ZNF569: variants seen among roughly 807,000 people sequenced by gnomAD.
ZNF569 encodes the protein zinc finger protein 569.
A neutral mutation model predicts 56.3 loss-of-function variants in ZNF569; 38 were observed. The ratio of observed to expected loss-of-function variants is 0.68; its 90% confidence interval spans 0.52 to 0.88. ZNF569 has a LOEUF of 0.88. Among genes scored for constraint, ZNF569 ranks in the 40% least tolerant of loss-of-function variants. ZNF569 has a pLI of 0.00. For synonymous variants in ZNF569, 241 were observed against 262.9 expected, an observed-to-expected ratio of 0.92 and a Z score of 0.81; for missense variants, 666 against 809.2, an observed-to-expected ratio of 0.82 and a Z score of 2.15.
At chr19:37,449,457 C>T (rs1442500876) in intron 2 of ZNF569, among the ~76,000 whole-genome samples, 2 of 152,192 alleles carry the variant, frequency 1.3e-5, no homozygotes, top group Non-Finnish European at 2.9e-5. Context: ...AAGTCCCCAA[C>T]TATAATTGTG....
intron 2 of ZNF569, among the ~76,000 whole-genome samples, chr19:37,460,743 G>A (rs1600353406): frequency 1.3e-5 from 2 of 151,014 alleles, no homozygotes; most frequent in South Asian, 4.2e-4. Flanking sequence ...TCTAGCCTGG[G>A]CAATACAGTG....
intron 3 of ZNF569, among the ~76,000 whole-genome samples, chr19:37,441,982 A>G (rs996379372): frequency 6.6e-6 from 1 of 152,250 alleles, no homozygotes; most frequent in Non-Finnish European, 1.5e-5. Flanking sequence ...ATAATTGTCA[A>G]GAGAACAATT....
At chr19:37,423,173 CAACCT>C (rs757475972) in intron 5 of ZNF569, among the ~76,000 whole-genome samples, 2 of 152,086 alleles carry the variant, frequency 1.3e-5, no homozygotes, top group South Asian at 2.1e-4. Flanking sequence ...TGGAAAAATA[CAACCT>C]ATTATCAAAA....
intron 2 of ZNF569, among the ~76,000 whole-genome samples, chr19:37,446,567 A>AAAAAG (rs1555839149): frequency 7.1e-5 from 10 of 141,036 alleles, no homozygotes; most frequent in African/African-American, 1.9e-4. Flanking sequence ...AAAAAAAAAA[A>AAAAAG]AAGAATGAAA....
At chr19:37,416,343 G>A (rs1322013333) in intron 5 of ZNF569, among the ~76,000 whole-genome samples, 1 of 149,792 alleles carries the variant, frequency 6.7e-6, no homozygotes, top group Admixed American at 6.6e-5. Flanking sequence ...GAAAAATCAA[G>A]TCATCTGAAC....
chr19:37,466,757 C>T (rs1336245050), intron 1 of ZNF569: 1 of 152,352 alleles, frequency 6.6e-6, no homozygotes, highest in East Asian at 1.9e-4. Context: ...CACAGTTTTT[C>T]ATTCATTCAA....
rs544420961 is a variant in ZNF569 at position 37,426,993 on chromosome 19, A to G, written c.16-615T>C. Among the ~76,000 whole-genome samples the G allele has an allele frequency of 2.0e-5, 3 of 152,354 alleles. No individual in the cohort carries two copies. In the East Asian group the frequency reaches 5.8e-4, roughly 29 times the overall value. On this transcript the variant is annotated intron_variant, in intron 3 of 5. Transcript: ENST00000316950. Reference sequence around the variant, plus strand: ...AATTTGTTTTTTAATGGTCAGAAATAGAATTATAACTGAAACTGTGTATTT... The same window carrying G: ...AATTTGTTTTTTAATGGTCAGAAATGGAATTATAACTGAAACTGTGTATTT...
intron 5 of ZNF569, among the ~76,000 whole-genome samples, chr19:37,418,010 A>G (rs2040963326): frequency 6.6e-6 from 1 of 151,918 alleles, no homozygotes; most frequent in South Asian, 2.1e-4. Context: ...CTGAGGCAGG[A>G]GAATCGCTTG....
At chr19:37,456,931 G>A (rs2041679609) in intron 2 of ZNF569, among the ~76,000 whole-genome samples, 1 of 149,674 alleles carries the variant, frequency 6.7e-6, no homozygotes, top group South Asian at 2.1e-4. Context: ...TCGCGCCATT[G>A]CACTCCAGCC....
Position 37,412,586 on chromosome 19 carries a change from T to G in ZNF569, c.*11A>C. Reference sequence around the variant, plus strand: ...GATGGCCTTGCCATATTCACAATATTCATAGGGTTTCTAATGAGTATGAAT... The same window carrying G: ...GATGGCCTTGCCATATTCACAATATGCATAGGGTTTCTAATGAGTATGAAT... On this transcript the variant is annotated 3_prime_UTR_variant, in exon 6 of 6. Transcript: ENST00000316950. 6.4e-7 allele frequency: 1 copy of G among 1,571,148 alleles called. No individual in the cohort carries two copies. Among genetic ancestry groups the G allele is most frequent in the Non-Finnish European group, 8.6e-7 (1 of 1,161,710 alleles).
rs1459093066 is a variant in ZNF569 at position 37,467,225 on chromosome 19, G to C, written c.-346C>G. The C allele has an allele frequency of 6.6e-6, 1 of 152,434 alleles. No homozygotes were observed. Among genetic ancestry groups the C allele is most frequent in the Non-Finnish European group, 1.5e-5 (1 of 68,190 alleles). The allele number at this position is 152,434 out of a possible 1,614,324, so 9.4% of individuals were successfully genotyped here. On this transcript the variant is annotated 5_prime_UTR_variant, in exon 1 of 6. Coordinates refer to ENST00000316950, the MANE Select transcript of ZNF569 (RefSeq NM_152484.3). ...CCACAAGTCTCGGTCCGTTACACCA[G>C]GGGCGACGCTTCCCAGAGGCCCCCG...
rs1462006943 is a variant in ZNF569 at position 37,411,361 on chromosome 19, A to T, written c.*1236T>A. The T allele has an allele frequency of 6.6e-6, 1 of 152,130 alleles. No individual in the cohort carries two copies. The highest frequency in any genetic ancestry group is 6.5e-5 in the Admixed American group (1 of 15,276). 9.4% of individuals were successfully genotyped at this position (152,130 alleles called of 1,614,324 possible). ...TTAATTTTTTCTCTCAATATTATAT[A>T]TTGTAATCTATCCATATAACTATAG... On this transcript the variant is annotated 3_prime_UTR_variant, in exon 6 of 6. Transcript: ENST00000316950.
At chr19:37,450,239 A>C (rs997565224) in intron 2 of ZNF569, among the ~76,000 whole-genome samples, 14 of 152,138 alleles carry the variant, frequency 9.2e-5, no homozygotes, top group Non-Finnish European at 1.9e-4. Context: ...ATTCATCTTT[A>C]AATGTTTGGT....
chr19:37,445,880 A>G (rs2041485143), intron 2 of ZNF569, among the ~76,000 whole-genome samples: 1 of 152,170 alleles, frequency 6.6e-6, no homozygotes, highest in Admixed American at 6.5e-5. Flanking sequence ...GCCAAAAGCA[A>G]TCTACAAATT....
At position 37,413,381 on chromosome 19, in the gene ZNF569, A is replaced by G. The variant is rs1236122768; in HGVS notation, c.1277T>C (p.Ile426Thr). 1.9e-6 allele frequency: 3 copies of G among 1,610,862 alleles called. No homozygotes were observed. The highest frequency in any genetic ancestry group is 1.1e-5 in the South Asian group (1 of 90,392). ...RKAFSHKKNF[I>T]THQKIHTREK... ...TCTAGTATGAATTTTCTGGTGTGTAATGAAGTTTTTCTTGTGGCTGAAGGC... is the reference window on the plus strand; with the variant it reads ...TCTAGTATGAATTTTCTGGTGTGTAGTGAAGTTTTTCTTGTGGCTGAAGGC... Residue 426 changes from isoleucine to threonine, a missense_variant, in exon 6 of 6, where the codon ATT becomes ACT. Ile to Thr is a moderately conservative substitution (Grantham distance 89). Coordinates refer to ENST00000316950, the MANE Select transcript of ZNF569 (RefSeq NM_152484.3).
Position 37,412,837 on chromosome 19 carries a change from T to C in ZNF569, c.1821A>G (p.Glu607=), listed in dbSNP as rs781212411. The change falls in exon 6 of 6, where the codon GAA becomes GAG. Residue 607 remains glutamate (E), a synonymous_variant. Transcript: ENST00000316950. ...MRGHTGEKPY[E]CNKCGKAFSQ... ...AGAAGGCTTTTCCACATTTATTACA[T>C]TCATAGGGTTTTTCACCTGTATGGC... is the stretch of plus-strand genomic sequence containing the variant. 5 of 1,613,992 alleles carry C rather than the reference T, an allele frequency of 3.1e-6. No homozygotes were observed. The highest frequency in any genetic ancestry group is 4.2e-6 in the Non-Finnish European group (5 of 1,179,944).
At chr19:37,440,877 T>C (rs1180626580) in intron 3 of ZNF569, among the ~76,000 whole-genome samples, 7 of 152,148 alleles carry the variant, frequency 4.6e-5, no homozygotes, top group Non-Finnish European at 8.8e-5. Context: ...AAAGAACAAA[T>C]AAATGTGATA....
At chr19:37,459,606 G>C (rs370683352) in intron 2 of ZNF569, among the ~76,000 whole-genome samples, 1 of 152,146 alleles carries the variant, frequency 6.6e-6, no homozygotes, top group Non-Finnish European at 1.5e-5. Flanking sequence ...ATATAGGTCA[G>C]AAACATGGAT....
intron 5 of ZNF569, among the ~76,000 whole-genome samples, chr19:37,422,952 G>A (rs1243216299): frequency 6.6e-6 from 1 of 152,010 alleles, no homozygotes; most frequent in Non-Finnish European, 1.5e-5. Flanking sequence ...AGGAAAACAA[G>A]CAACTGTTAG....
Sources: gnomAD v4.1 joint callset for allele counts (sites outside exome capture counted in the v4.1 genomes callset) on GRCh38, gnomAD v4.1.1 for gene constraint, MANE v1.5 for transcripts, NCBI Gene and HGNC (gene_info 2026-07-23, HGNC 2026-07-21) for gene names.